Variants in ZNF565 observed in about 807,000 individuals in gnomAD.
ZNF565 encodes zinc finger protein 565.
ZNF565 carries 27 observed loss-of-function variants against 39.4 expected under a neutral mutation model. The ratio of observed to expected loss-of-function variants is 0.69; its 90% CI spans 0.51 to 0.95. The LOEUF (loss-of-function observed/expected upper bound fraction) is 0.95. Among genes scored for constraint, ZNF565 ranks in the 40% least tolerant of loss-of-function variants. The probability of loss-of-function intolerance (pLI) is 0.00; values close to 1 mark genes in which losing one functional copy is unlikely to be tolerated. For missense variants in ZNF565, 524 were observed against 621.1 expected, an observed-to-expected ratio of 0.84 and a Z score of 1.66; for synonymous variants, 185 against 216.6, an observed-to-expected ratio of 0.85 and a Z score of 1.28.
intron 1 of ZNF565, among the ~76,000 whole-genome samples, chr19:36,213,927 GAT>G (rs199627286): frequency 1.6e-5 from 2 of 128,312 alleles, no homozygotes; most frequent in South Asian, 5.7e-4. Flanking sequence ...TCTCCACTGT[GAT>G]ACAGTTACTC....
chr19:36,199,655 A>G (rs906678958), intron 2 of ZNF565, among the ~76,000 whole-genome samples: 1 of 151,798 alleles, frequency 6.6e-6, no homozygotes, highest in African/African-American at 2.4e-5. Context: ...TACAGGTGGC[A>G]TGCCACTGCA....
Position 36,202,038 on chromosome 19 carries a change from C to T in ZNF565, c.-53G>A, listed in dbSNP as rs779346725. The T allele has an allele frequency of 1.2e-6, 2 of 1,612,786 alleles. No homozygotes were observed. The highest frequency in any genetic ancestry group is 1.7e-6 in the Non-Finnish European group (2 of 1,178,902). ...GATTTCTCTGGATTCTTCTCTTGGA[C>T]AAGTGCAGAGTCCTGAAAAAGCAAA... is the stretch of plus-strand genomic sequence containing the variant. On this transcript the variant is annotated 5_prime_UTR_variant, in exon 2 of 5. Coordinates refer to ENST00000304116, the MANE Select transcript of ZNF565 (RefSeq NM_152477.5).
rs537212940 is a variant in ZNF565 at position 36,196,683 on chromosome 19, A to C, written c.10-1527T>G. ...CTGGCAAATCTAATGTCTTTCAAAA[A>C]TGAGTCCAGGCTGGGCGTGGTGGCT... On this transcript the variant is annotated intron_variant, in intron 2 of 4. Coordinates refer to ENST00000304116, the MANE Select transcript of ZNF565 (RefSeq NM_152477.5). 3.3e-5 allele frequency among the ~76,000 whole-genome samples: 5 copies of C among 152,236 alleles called. No individual in the cohort carries two copies. The East Asian group carries it at 9.7e-4, about 29-fold the overall frequency.
chr19:36,209,522 AAAC>A (rs1976277504), intron 1 of ZNF565, among the ~76,000 whole-genome samples: 1 of 150,344 alleles, frequency 6.7e-6, no homozygotes, highest in Non-Finnish European at 1.5e-5. Context: ...AAAAAACAAA[AAAC>A]AAACCAACAA....
intron 2 of ZNF565, among the ~76,000 whole-genome samples, chr19:36,201,026 G>A (rs1975945010): frequency 6.6e-6 from 1 of 152,048 alleles, no homozygotes; most frequent in Non-Finnish European, 1.5e-5. Flanking sequence ...TTTAAAAATA[G>A]AATAAAGAAT....
chr19:36,189,565 G>T (rs1195425243), intron 4 of ZNF565, among the ~76,000 whole-genome samples: 1 of 150,878 alleles, frequency 6.6e-6, no homozygotes, highest in Non-Finnish European at 1.5e-5. Flanking sequence ...CAGGTGATCT[G>T]CCCACCTCAG....
intron 1 of ZNF565, among the ~76,000 whole-genome samples, chr19:36,204,103 C>T (rs934665274): frequency 6.6e-6 from 1 of 151,622 alleles, no homozygotes; most frequent in Admixed American, 6.6e-5. Flanking sequence ...GCATGCACCA[C>T]CACGCCTGGC....
rs531231466 is a variant in ZNF565, at chr19:36,185,933, A to T, written c.233-2200T>A. Among the ~76,000 whole-genome samples, 538 of 151,538 alleles carry T rather than the reference A, an allele frequency of 3.6e-3. 2 individuals are homozygous for T. The highest frequency in any genetic ancestry group is 0.012 in the African/African-American group (511 of 41,298). ...GGTCTCAAACTCCTGACCTCAGGTAATCCGCCCACCTCGGCCTCTCAAAGT... is the reference window on the plus strand; with the variant it reads ...GGTCTCAAACTCCTGACCTCAGGTATTCCGCCCACCTCGGCCTCTCAAAGT... On this transcript the variant is annotated intron_variant, in intron 4 of 4. Transcript: ENST00000304116.
rs545347597 is a variant in ZNF565, at chr19:36,223,192, A to G, written c.56-21142T>C. Among the ~76,000 whole-genome samples the G allele has an allele frequency of 4.0e-5, 6 of 151,798 alleles. No homozygotes were observed. The South Asian group carries it at 1.3e-3, about 32-fold the overall frequency. ...AGCACTTTGGGAGGCTGAGGCGGGTAGATCACTTGAGGTCAGGAGTTTGAG... is the reference window on the plus strand; with the variant it reads ...AGCACTTTGGGAGGCTGAGGCGGGTGGATCACTTGAGGTCAGGAGTTTGAG... On this transcript the variant is annotated intron_variant, in intron 1 of 4. Transcript: ENST00000355114.
At chr19:36,203,125 G>A (rs149828085) in intron 1 of ZNF565, among the ~76,000 whole-genome samples, 3 of 151,912 alleles carry the variant, frequency 2.0e-5, no homozygotes, top group East Asian at 1.9e-4. Context: ...ACCTGAGGTC[G>A]GGAGTTCGAG....
chr19:36,224,349 T>C (rs1167239431), intron 1 of ZNF565, among the ~76,000 whole-genome samples: 2 of 152,204 alleles, frequency 1.3e-5, no homozygotes, highest in African/African-American at 4.8e-5. Context: ...GCCACTGCAC[T>C]GCAGCCTGGG....
At chr19:36,223,650 A>C (rs1479522484) in intron 1 of ZNF565, among the ~76,000 whole-genome samples, 1 of 146,948 alleles carries the variant, frequency 6.8e-6, no homozygotes, top group Non-Finnish European at 1.5e-5. Context: ...GGCGTGAGCC[A>C]CCGCGCGTGG....
chr19:36,206,345 A>C (rs1263401653), intron 1 of ZNF565, among the ~76,000 whole-genome samples: 1 of 151,706 alleles, frequency 6.6e-6, no homozygotes, highest in East Asian at 1.9e-4. Flanking sequence ...ACAGTAGCTC[A>C]CTCCTGTCAT....
rs775011026 is a variant in ZNF565, at chr19:36,194,306, A to G, written c.159T>C (p.Asp53=). 1.9e-6 allele frequency: 3 copies of G among 1,612,172 alleles called. No homozygotes were observed. The highest frequency in any genetic ancestry group is 1.7e-5 in the Admixed American group (1 of 59,732). ...TCCCTTGCTCCAATAAGGAGACGAC[A>G]TCAGGCTTAGAAATGGAGAGTCCTG... ...ASLGLSISKP[D]VVSLLEQGKE... Residue 53 remains aspartate (D), a synonymous_variant, in exon 4 of 5, where the codon GAT becomes GAC. Transcript: ENST00000304116.
chr19:36,242,315 CAA>C (rs1977814595), intron 1 of ZNF565, among the ~76,000 whole-genome samples: 1 of 151,802 alleles, frequency 6.6e-6, no homozygotes, highest in South Asian at 2.1e-4. Flanking sequence ...GAGGCTGAGA[CAA>C]GAGAATGACT....
At chr19:36,193,035 G>T (rs569969297) in intron 4 of ZNF565, among the ~76,000 whole-genome samples, 1 of 151,776 alleles carries the variant, frequency 6.6e-6, no homozygotes, top group African/African-American at 2.4e-5. Context: ...TCGCTCTGTC[G>T]CCCAGGCTGG....
Position 36,182,325 on chromosome 19 carries a change from GGT to G in ZNF565, c.*139_*140del. On this transcript the variant is annotated 3_prime_UTR_variant, in exon 5 of 5. Coordinates refer to ENST00000304116, the MANE Select transcript of ZNF565 (RefSeq NM_152477.5). The stretch of plus-strand genomic sequence containing the variant: ...TCCCACATTTATTTAATTTTCTTTG[GGT>G]GTGAGTTTTCTGATGTTCTATGATG... 1.7e-6 allele frequency: 1 copy of G among 597,138 alleles called. No homozygotes were observed. Among genetic ancestry groups the G allele is most frequent in the Non-Finnish European group, 2.6e-6 (1 of 385,288 alleles). 37.0% of individuals were successfully genotyped at this position (597,138 alleles called of 1,614,324 possible).
chr19:36,198,088 G>GA (rs552561555), intron 2 of ZNF565, among the ~76,000 whole-genome samples: 203 of 151,984 alleles, frequency 1.3e-3, no homozygotes, highest in Non-Finnish European at 2.2e-3. Context: ...GGCAGAGGTT[G>GA]CACCACTGCC....
intron 1 of ZNF565, among the ~76,000 whole-genome samples, chr19:36,233,510 A>G (rs540126612): frequency 2.6e-4 from 40 of 152,258 alleles, no homozygotes; most frequent in African/African-American, 9.4e-4. Context: ...GGACCTCTCA[A>G]GAGGACCGGC....
Sources: gnomAD v4.1 joint callset for allele counts (sites outside exome capture counted in the v4.1 genomes callset) on GRCh38, gnomAD v4.1.1 for gene constraint, MANE v1.5 for transcripts, NCBI Gene and HGNC (gene_info 2026-07-23, HGNC 2026-07-21) for gene names.